Variants in GNG11 observed in about 807,000 individuals in gnomAD.
GNG11 encodes G protein subunit gamma 11, also known as guanine nucleotide-binding protein G(I)/G(S)/G(O) subunit gamma-11.
A neutral mutation model predicts 7.4 loss-of-function variants in GNG11; 6 were observed. The observed-to-expected ratio is 0.81, with a 90% CI of 0.44 to 1.60. The LOEUF is 1.60. Among genes scored for constraint, GNG11 ranks in the 40% most tolerant of loss-of-function variants. The probability of loss-of-function intolerance (pLI) is 0.01; values close to 1 mark genes in which losing one functional copy is unlikely to be tolerated. For synonymous variants in GNG11, 31 were observed against 25.9 expected, an observed-to-expected ratio of 1.20 and a Z score of -0.60; for missense variants, 65 against 83.0, an observed-to-expected ratio of 0.78 and a Z score of 0.84.
intron 1 of GNG11, among the ~76,000 whole-genome samples, chr7:93,924,603 T>C (rs374033881): frequency 6.6e-6 from 1 of 152,238 alleles, no homozygotes; most frequent in African/African-American, 2.4e-5. Context: ...AGGATAATCA[T>C]TTGGGGTGTG....
chr7:93,922,387 A>G (rs112016765), intron 1 of GNG11, among the ~76,000 whole-genome samples, 154 bp downstream of exon 1: 7,623 of 152,146 alleles, frequency 0.05, 407 homozygotes, highest in African/African-American at 0.13. Context: ...GGGGACTGCC[A>G]GCTGATGTGG....
At chr7:93,924,265 A>G (rs1006560592) in intron 1 of GNG11, among the ~76,000 whole-genome samples, 1 of 152,226 alleles carries the variant, frequency 6.6e-6, no homozygotes, top group Non-Finnish European at 1.5e-5. Context: ...TATGGAAGGA[A>G]ATGTATCAGA....
intron 1 of GNG11, among the ~76,000 whole-genome samples, chr7:93,924,960 C>T (rs994619517): frequency 6.6e-6 from 1 of 152,138 alleles, no homozygotes; most frequent in Non-Finnish European, 1.5e-5. Flanking sequence ...GTCAGGAGAT[C>T]AAGACCATGC....
chr7:93,922,084 C>G lies in GNG11; in HGVS notation c.-54C>G. ...TTTCGGGACGCGCCGAGCTTCGCCG[C>G]TCTTCCAGCGGCTCCGCTGCCAGAG... On this transcript the variant is annotated 5_prime_UTR_variant, in exon 1 of 2. Transcript: ENST00000248564. 1 of 1,175,572 alleles carries G rather than the reference C, an allele frequency of 8.5e-7. No homozygotes were observed. Among genetic ancestry groups the G allele is most frequent in the Non-Finnish European group, 1.2e-6 (1 of 831,764 alleles). The allele number at this position is 1,175,572 out of a possible 1,614,324, so 72.8% of individuals were successfully genotyped here. A position where few individuals can be genotyped will look rare whatever the true frequency, so the allele number is the denominator to read the frequency against.
intron 1 of GNG11, among the ~76,000 whole-genome samples, chr7:93,924,189 C>A (rs935115887): frequency 2.0e-5 from 3 of 152,146 alleles, no homozygotes; most frequent in African/African-American, 7.2e-5. Flanking sequence ...TTAACTTAGG[C>A]CCAGACAAAA....
At position 93,928,569 on chromosome 7, in the gene GNG11, T is replaced by C. The variant is rs1166908325; in HGVS notation, c.*2353T>C. ...ATCCAATTTATTCAAAGTGTATAGT[T>C]GTGTAATTATTTACTATTTGATTAA... On this transcript the variant is annotated 3_prime_UTR_variant, in exon 2 of 2. Transcript: ENST00000248564. 1.3e-5 allele frequency: 2 copies of C among 152,214 alleles called. No individual in the cohort carries two copies. Among genetic ancestry groups the C allele is most frequent in the Non-Finnish European group, 2.9e-5 (2 of 68,038 alleles). 9.4% of individuals were successfully genotyped at this position (152,214 alleles called of 1,614,324 possible).
intron 1 of GNG11, among the ~76,000 whole-genome samples, chr7:93,923,739 A>G (rs1191779791): frequency 1.3e-5 from 2 of 152,198 alleles, no homozygotes; most frequent in Non-Finnish European, 1.5e-5. Context: ...GCAACCGACT[A>G]TGTAAAAATT....
chr7:93,921,849 C>T lies in GNG11; in HGVS notation c.-289C>T, dbSNP rs1474289711. The T allele has an allele frequency of 4.0e-6, 1 of 251,662 alleles. No individual in the cohort carries two copies. The highest frequency in any genetic ancestry group is 5.5e-5 in the Admixed American group (1 of 18,184). The allele number at this position is 251,662 out of a possible 1,614,324, so 15.6% of individuals were successfully genotyped here. A position where few individuals can be genotyped will look rare whatever the true frequency, so the allele number is the denominator to read the frequency against. On this transcript the variant is annotated 5_prime_UTR_variant, in exon 1 of 2. Coordinates refer to ENST00000248564, the MANE Select transcript of GNG11 (RefSeq NM_004126.4). The stretch of plus-strand genomic sequence containing the variant: ...TGAGCAGCGGGAAGCTGCTTGGACC[C>T]AGTCTCAAACTTAACCCTCATCTAG...
intron 1 of GNG11, among the ~76,000 whole-genome samples, chr7:93,922,649 A>G (rs758238748): frequency 6.6e-5 from 10 of 152,246 alleles, no homozygotes; most frequent in Non-Finnish European, 1.3e-4. Context: ...TTACAAGTAC[A>G]TTATTTAATT....
intron 1 of GNG11, 99 bp downstream of exon 1, chr7:93,922,332 C>T (rs1794626078): frequency 1.5e-6 from 1 of 666,138 alleles, no homozygotes; most frequent in Non-Finnish European, 2.5e-6. Flanking sequence ...GCTTATTTTT[C>T]CCCCTTTTTG....
intron 1 of GNG11, among the ~76,000 whole-genome samples, chr7:93,925,506 T>C (rs983192284): frequency 6.6e-6 from 1 of 152,024 alleles, no homozygotes; most frequent in African/African-American, 2.4e-5. Context: ...CAACACAGAG[T>C]GCGATATTTG....
At chr7:93,925,057 G>C (rs888643976) in intron 1 of GNG11, among the ~76,000 whole-genome samples, 6 of 152,184 alleles carry the variant, frequency 3.9e-5, no homozygotes, top group African/African-American at 1.4e-4. Context: ...CCAGCTACTT[G>C]GGAGGCTGAG....
In GNG11 at chr7:93,926,144, G is replaced by A; in HGVS notation, c.150G>A (p.Glu50=). 6.3e-7 allele frequency: 1 copy of A among 1,580,056 alleles called. No homozygotes were observed. Among genetic ancestry groups the A allele is most frequent in the Non-Finnish European group, 8.7e-7 (1 of 1,153,914 alleles). ...ACTATATTGAAGAACGTTCTGGAGA[G>A]GATCCTCTAGTAAAGGGAATTCCAG... ...IKNYIEERSG[E]DPLVKGIPED... The change falls in exon 2 of 2, where the codon GAG becomes GAA. Residue 50 remains glutamate, a synonymous_variant. Coordinates refer to ENST00000248564, the MANE Select transcript of GNG11 (RefSeq NM_004126.4).
chr7:93,922,095 G>A lies in GNG11; in HGVS notation c.-43G>A. On this transcript the variant is annotated 5_prime_UTR_variant, in exon 1 of 2. Transcript: ENST00000248564. ...GCCGAGCTTCGCCGCTCTTCCAGCG[G>A]CTCCGCTGCCAGAGCTAGCCCGAGC... The A allele has an allele frequency of 1.6e-6, 2 of 1,290,314 alleles. No individual in the cohort carries two copies. Among genetic ancestry groups the A allele is most frequent in the Non-Finnish European group, 2.2e-6 (2 of 926,178 alleles). The allele number at this position is 1,290,314 out of a possible 1,614,324, so 79.9% of individuals were successfully genotyped here.
At chr7:93,926,014 A>G (rs1303718319) in intron 1 of GNG11, 77 bp from the exon 2 acceptor site, 9 of 745,968 alleles carry the variant, frequency 1.2e-5, no homozygotes, top group African/African-American at 3.6e-5. Context: ...ATTCAATTAT[A>G]CTTATTTCAT....
rs551642641 is a variant in GNG11, at chr7:93,926,403, T to G, written c.*187T>G. On this transcript the variant is annotated 3_prime_UTR_variant, in exon 2 of 2. Transcript: ENST00000248564. The stretch of plus-strand genomic sequence containing the variant: ...TCTTTGCTCACTATGCAGTCTTTTT[T>G]AAGAGAGCAGAGAGTATCAGATGTA... 124 of 395,216 alleles carry G rather than the reference T, an allele frequency of 3.1e-4. No homozygotes were observed. The East Asian group carries it at 4.6e-3, about 15-fold the overall frequency. The allele number at this position is 395,216 out of a possible 1,614,324, so 24.5% of individuals were successfully genotyped here. A position where few individuals can be genotyped will look rare whatever the true frequency, so the allele number is the denominator to read the frequency against.
chr7:93,922,262 T>C, intron 1 of GNG11, 29 bp downstream of exon 1: 5 of 1,336,740 alleles, frequency 3.7e-6, no homozygotes, highest in Non-Finnish European at 5.2e-6. Context: ...AATATTTCCT[T>C]CTCTGAAATG....
rs1453422629 is a variant in GNG11, at chr7:93,927,160, T to C, written c.*944T>C. The C allele has an allele frequency of 1.3e-5, 2 of 152,252 alleles. No individual in the cohort carries two copies. The highest frequency in any genetic ancestry group is 1.3e-4 in the Admixed American group (2 of 15,292). The allele number at this position is 152,252 out of a possible 1,614,324, so 9.4% of individuals were successfully genotyped here. A position where few individuals can be genotyped will look rare whatever the true frequency, so the allele number is the denominator to read the frequency against. ...ATCTTTGCCCACTTTAAAGATTAGT[T>C]GGTCTTTTTCTTACTGATTTGTAGG... On this transcript the variant is annotated 3_prime_UTR_variant, in exon 2 of 2. Transcript: ENST00000248564.
rs1232619780 is a variant in GNG11 at position 93,922,066 on chromosome 7, ACG to A, written c.-68_-67del. 4 of 937,764 alleles carry A rather than the reference ACG, an allele frequency of 4.3e-6. No homozygotes were observed. Among genetic ancestry groups the A allele is most frequent in the Non-Finnish European group, 6.4e-6 (4 of 628,690 alleles). The allele number at this position is 937,764 out of a possible 1,614,324, so 58.1% of individuals were successfully genotyped here. A position where few individuals can be genotyped will look rare whatever the true frequency, so the allele number is the denominator to read the frequency against. ...GGGCCAGGCCTTCAGTTGTTTCGGG[ACG>A]CGCCGAGCTTCGCCGCTCTTCCAGC... On this transcript the variant is annotated 5_prime_UTR_variant, in exon 1 of 2. Transcript: ENST00000248564.
Sources: gnomAD v4.1 joint callset for allele counts (sites outside exome capture counted in the v4.1 genomes callset) on GRCh38, gnomAD v4.1.1 for gene constraint, MANE v1.5 for transcripts, NCBI Gene and HGNC (gene_info 2026-07-23, HGNC 2026-07-21) for gene names.